The following ZNF138 variants were observed in gnomAD, a reference collection of about 807,000 sequenced individuals.
ZNF138 encodes the protein zinc finger protein 138 (clone pHZ-32).
A neutral mutation model predicts 33.0 loss-of-function variants in ZNF138; 33 were observed. That is an observed-to-expected ratio of 1.00 (90% CI 0.76 to 1.34). The LOEUF is 1.34. Ranked by LOEUF, ZNF138 falls within the 40% of genes most tolerant of loss-of-function variation. ZNF138 has a pLI of 0.00. For synonymous variants in ZNF138, 139 were observed against 120.4 expected, an observed-to-expected ratio of 1.15 and a Z score of -1.01; for missense variants, 360 against 370.8, an observed-to-expected ratio of 0.97 and a Z score of 0.24.
downstream of ZNF138, among the ~76,000 whole-genome samples, chr7:64,837,999 A>G (rs10266341): frequency 0.99 from 150,049 of 152,262 alleles, 73,974 homozygotes; most frequent in East Asian, 1. Flanking sequence ...AATGCCATCA[A>G]TCCTTATAAC....
intron 1 of ZNF138, among the ~76,000 whole-genome samples, chr7:64,802,162 G>A (rs76628632): frequency 6.6e-6 from 1 of 152,170 alleles, no homozygotes; most frequent in Non-Finnish European, 1.5e-5. Flanking sequence ...CGGCTTCCGG[G>A]CTATAGGCAA....
intron 3 of ZNF138, among the ~76,000 whole-genome samples, chr7:64,829,968 C>A (rs1387850299): frequency 6.6e-6 from 1 of 152,012 alleles, no homozygotes; most frequent in Non-Finnish European, 1.5e-5. Flanking sequence ...AATGGCAGTG[C>A]CAATATACTT....
intron 1 of ZNF138, among the ~76,000 whole-genome samples, chr7:64,810,185 C>T (rs1452555419): frequency 9.8e-5 from 14 of 143,062 alleles, no homozygotes; most frequent in African/African-American, 1.8e-4. Flanking sequence ...ACTGAGTGAA[C>T]GAGACTCCGT....
At chr7:64,818,647 G>A (rs536854619) in intron 3 of ZNF138, among the ~76,000 whole-genome samples, 1 of 146,954 alleles carries the variant, frequency 6.8e-6, no homozygotes, top group Non-Finnish European at 1.5e-5. Flanking sequence ...CTACTCAGGA[G>A]GCTGAGGCAG....
intron 1 of ZNF138, among the ~76,000 whole-genome samples, chr7:64,806,380 CAG>C (rs1376672135): frequency 6.6e-6 from 1 of 152,204 alleles, no homozygotes; most frequent in Non-Finnish European, 1.5e-5. Flanking sequence ...GAAACTGATT[CAG>C]AGACCATGGG....
chr7:64,850,304 T>G, the ZNF138 span, among the ~76,000 whole-genome samples: 1 of 152,260 alleles, frequency 6.6e-6, no homozygotes, highest in African/African-American at 2.4e-5. Context: ...TTTGGCTGTC[T>G]GCCAGGTCCT....
At chr7:64,848,951 AG>A in the ZNF138 span, among the ~76,000 whole-genome samples, 2 of 152,034 alleles carry the variant, frequency 1.3e-5, no homozygotes, top group Admixed American at 1.3e-4. Context: ...TGATCTGCCC[AG>A]CTCGGCCTCC....
At chr7:64,842,752 A>G in the ZNF138 span, among the ~76,000 whole-genome samples, 1 of 152,212 alleles carries the variant, frequency 6.6e-6, no homozygotes, top group Non-Finnish European at 1.5e-5. Context: ...TTTATTTTGT[A>G]AAACATAATA....
the ZNF138 span, among the ~76,000 whole-genome samples, chr7:64,860,282 A>C: frequency 6.6e-6 from 1 of 152,246 alleles, no homozygotes; most frequent in Non-Finnish European, 1.5e-5. Flanking sequence ...TTTGTGGCAA[A>C]AACATTTAAA....
chr7:64,824,840 C>T lies in ZNF138; in HGVS notation c.209-6611C>T, dbSNP rs1230022916. On this transcript the variant is annotated intron_variant, in intron 3 of 3. Coordinates refer to ENST00000307355, the MANE Select transcript of ZNF138 (RefSeq NM_001271639.2). ...ATATTTTCCATTCTGATACTTTCAG[C>T]CTATTTGACTCAACGCTTATGAGTC... 2.0e-5 allele frequency among the ~76,000 whole-genome samples: 3 copies of T among 148,030 alleles called. No individual in the cohort carries two copies. In the East Asian group the frequency reaches 6.0e-4, roughly 30 times the overall value.
intron 3 of ZNF138, among the ~76,000 whole-genome samples, chr7:64,828,702 GTACTCA>G (rs1033330874): frequency 6.6e-6 from 1 of 151,338 alleles, no homozygotes; most frequent in Admixed American, 6.6e-5. Flanking sequence ...TTTAACATTT[GTACTCA>G]TACCAAATTG....
chr7:64,827,523 T>C (rs73126394), intron 3 of ZNF138, among the ~76,000 whole-genome samples: 21 of 152,306 alleles, frequency 1.4e-4, no homozygotes, highest in Non-Finnish European at 2.6e-4. Flanking sequence ...GGATTAACCA[T>C]GTAACATTTT....
intron 1 of ZNF138, among the ~76,000 whole-genome samples, chr7:64,798,155 G>A (rs1786843892): frequency 6.6e-6 from 1 of 152,128 alleles, no homozygotes; most frequent in African/African-American, 2.4e-5. Context: ...TGGCCAGGGT[G>A]GTCTCAAACT....
Position 64,815,642 on chromosome 7 carries a change from CCAAA to C in ZNF138, c.200_203del (p.Lys67IlefsTer14), listed in dbSNP as rs1788562404. On this transcript the variant is annotated frameshift_variant, in exon 3 of 4. Transcript: ENST00000307355. LOFTEE classifies it high-confidence loss of function. Reference sequence around the variant, plus strand: ...ATGAAGAGACATGAGATGGTGGTAGCCAAACATTCAGGTAGGTGAGAGTGAATAC... The same window carrying C: ...ATGAAGAGACATGAGATGGTGGTAGCCATTCAGGTAGGTGAGAGTGAATAC... The C allele has an allele frequency of 3.1e-6, 5 of 1,610,938 alleles. No homozygotes were observed. Among genetic ancestry groups the C allele is most frequent in the Non-Finnish European group, 4.2e-6 (5 of 1,178,622 alleles).
chr7:64,803,072 A>G (rs1295389908), intron 1 of ZNF138, among the ~76,000 whole-genome samples: 2 of 152,180 alleles, frequency 1.3e-5, no homozygotes, highest in Non-Finnish European at 2.9e-5. Flanking sequence ...CTGCATGAAA[A>G]TAAGGGAGGA....
At chr7:64,828,027 G>T (rs939053129) in intron 3 of ZNF138, among the ~76,000 whole-genome samples, 11 of 151,980 alleles carry the variant, frequency 7.2e-5, no homozygotes, top group African/African-American at 2.4e-4. Context: ...TTTATTTGTG[G>T]TGTTGGTTTA....
intron 1 of ZNF138, among the ~76,000 whole-genome samples, chr7:64,797,948 A>T (rs1387218887): frequency 6.6e-6 from 1 of 151,978 alleles, no homozygotes; most frequent in African/African-American, 2.4e-5. Flanking sequence ...TTTTAATTAA[A>T]TTATTTTTTT....
chr7:64,855,395 AATAC>A, the ZNF138 span, among the ~76,000 whole-genome samples: 15 of 152,236 alleles, frequency 9.9e-5, no homozygotes, highest in Non-Finnish European at 2.1e-4. Flanking sequence ...AAAATTTCAT[AATAC>A]ATACATGAAT....
intron 1 of ZNF138, 73 bp from the exon 2 acceptor site, chr7:64,814,839 TACCTTG>T (rs1788476131): frequency 1.3e-6 from 2 of 1,572,654 alleles, no homozygotes; most frequent in East Asian, 4.6e-5. Context: ...TGTCTTATTT[TACCTTG>T]AGTCAAATTT....
Sources: allele counts gnomAD v4.1 joint callset (sites outside exome capture counted in the v4.1 genomes callset), GRCh38; gene constraint gnomAD v4.1.1; transcripts MANE v1.5; gene names NCBI Gene and HGNC (gene_info 2026-07-23, HGNC 2026-07-21).